UBE2Z: variants seen among roughly 807,000 people sequenced by gnomAD.
UBE2Z encodes the protein ubiquitin-conjugating enzyme E2 Z.
Under a neutral mutation model 32.6 loss-of-function variants are expected in UBE2Z, and 10 were observed. That is an observed-to-expected ratio of 0.31 (90% CI 0.19 to 0.52). The LOEUF (loss-of-function observed/expected upper bound fraction) is 0.52. Ranked by LOEUF, UBE2Z falls within the 20% of genes least tolerant of loss-of-function variation. The pLI, the probability that UBE2Z is intolerant of heterozygous loss-of-function variation, is 0.97. For synonymous variants in UBE2Z, 183 were observed against 190.8 expected (o/e 0.96, Z 0.34); for missense variants, 343 against 480.9 (o/e 0.71, Z 2.68).
chr17:48,920,223 G>C (rs973941974), intron 4 of UBE2Z, among the ~76,000 whole-genome samples: 1 of 152,018 alleles, frequency 6.6e-6, no homozygotes, highest in Non-Finnish European at 1.5e-5. Context: ...AGCCGGGTGC[G>C]GTGGCTCATG....
chr17:48,913,081 C>T lies in UBE2Z; in HGVS notation c.578+60C>T. ...TTAGCAGATAATTACTCTAGGTCAG[C>T]CTTTATCAACCGGAGTCCCTCATCT... On this transcript the variant is annotated intron_variant, in intron 3 of 6. Transcript: ENST00000360943. 1.3e-6 allele frequency: 2 copies of T among 1,526,456 alleles called. 1 individual carries two copies. The highest frequency in any genetic ancestry group is 2.3e-5 in the South Asian group (2 of 85,744). The allele number at this position is 1,526,456 out of a possible 1,614,324, so 94.6% of individuals were successfully genotyped here.
In UBE2Z at chr17:48,927,160, C is replaced by G. The variant is rs1046088854; in HGVS notation, c.*26C>G. ...ACCCTGCTCCCATCTCCCCTTCCCCCACTCAAGAGTCCCAGCAGAATCCCT... is the reference window on the plus strand; with the variant it reads ...ACCCTGCTCCCATCTCCCCTTCCCCGACTCAAGAGTCCCAGCAGAATCCCT... On this transcript the variant is annotated 3_prime_UTR_variant, in exon 7 of 7. Coordinates refer to ENST00000360943, the MANE Select transcript of UBE2Z (RefSeq NM_023079.5). 5.6e-6 allele frequency: 9 copies of G among 1,611,220 alleles called. No homozygotes were observed. Among genetic ancestry groups the G allele is most frequent in the South Asian group, 5.5e-5 (5 of 90,758 alleles).
At chr17:48,921,926 G>C (rs1435486575) in intron 5 of UBE2Z, among the ~76,000 whole-genome samples, 2 of 152,164 alleles carry the variant, frequency 1.3e-5, no homozygotes, top group Non-Finnish European at 2.9e-5. Context: ...CAGTCAGGAG[G>C]CTGAGGTGGG....
At chr17:48,926,525 G>C (rs1358735648) in intron 6 of UBE2Z, among the ~76,000 whole-genome samples, 1 of 150,808 alleles carries the variant, frequency 6.6e-6, no homozygotes, top group Non-Finnish European at 1.5e-5. Context: ...GCCCAGGCTG[G>C]AGTGTAATGG....
chr17:48,909,979 C>T (rs991270532), intron 1 of UBE2Z, among the ~76,000 whole-genome samples: 1 of 152,216 alleles, frequency 6.6e-6, no homozygotes, highest in African/African-American at 2.4e-5. Context: ...CTCTTTTCCT[C>T]CTCCAGCCAT....
intron 4 of UBE2Z, among the ~76,000 whole-genome samples, 178 bp from the exon 5 acceptor site, chr17:48,920,982 G>A (rs2143771469): frequency 6.6e-6 from 1 of 152,226 alleles, no homozygotes; most frequent in Admixed American, 6.5e-5. Flanking sequence ...GGTGGTGGAG[G>A]TGAATGGTGT....
In UBE2Z at chr17:48,908,908, C is replaced by T. The variant is rs541264683; in HGVS notation, c.317+88C>T. On this transcript the variant is annotated intron_variant, in intron 1 of 6. Transcript: ENST00000360943. Reference sequence around the variant, plus strand: ...CCCTCTCCCACTACAACTCACCCCCCACCCACTGCGCTGCCCTCGCGGCGG... The same window carrying T: ...CCCTCTCCCACTACAACTCACCCCCTACCCACTGCGCTGCCCTCGCGGCGG... The T allele has an allele frequency of 3.2e-5, 33 of 1,042,594 alleles. No homozygotes were observed. The African/African-American group carries it at 5.6e-4, about 18-fold the overall frequency. The allele number at this position is 1,042,594 out of a possible 1,614,324, so 64.6% of individuals were successfully genotyped here. A position where few individuals can be genotyped will look rare whatever the true frequency, so the allele number is the denominator to read the frequency against.
At chr17:48,922,736 C>A in intron 5 of UBE2Z, 111 bp from the exon 6 acceptor site, 2 of 730,136 alleles carry the variant, frequency 2.7e-6, no homozygotes, top group Admixed American at 2.8e-5. Flanking sequence ...CACTGCACTC[C>A]AACATGGGCT....
intron 6 of UBE2Z, among the ~76,000 whole-genome samples, chr17:48,923,320 CAAAAAAA>C (rs56100763): frequency 3.6e-4 from 37 of 102,084 alleles, no homozygotes; most frequent in African/African-American, 1.7e-3. Context: ...GACTCTGTCT[CAAAAAAA>C]AAAAAAAAAA....
At chr17:48,910,718 A>T in intron 1 of UBE2Z, 90 bp from the exon 2 acceptor site, 1 of 975,930 alleles carries the variant, frequency 1.0e-6, no homozygotes, top group Non-Finnish European at 1.7e-6. Flanking sequence ...CCCTGGCCTC[A>T]TTGAGGTGAT....
exon 7 of UBE2Z, chr17:48,929,052 CAGA>C (rs1442981257): frequency 6.6e-6 from 1 of 152,190 alleles, no homozygotes; most frequent in Non-Finnish European, 1.5e-5. Flanking sequence ...TTTGTTTTGG[CAGA>C]AGGAGGAAGT....
At chr17:48,923,205 C>CATCT in intron 6 of UBE2Z, 1 of 245,468 alleles carries the variant, frequency 4.1e-6, no homozygotes, top group Non-Finnish European at 8.1e-6. Context: ...CCTGTAGTCC[C>CATCT]ATCTACTCAG....
At chr17:48,922,506 C>T (rs373020835) in intron 5 of UBE2Z, among the ~76,000 whole-genome samples, 1 of 152,028 alleles carries the variant, frequency 6.6e-6, no homozygotes, top group South Asian at 2.1e-4. Context: ...TGGTGGCTTG[C>T]GCCTGTAGTC....
intron 2 of UBE2Z, chr17:48,911,394 ATACC>A (rs2143757899): frequency 6.4e-6 from 1 of 157,054 alleles, no homozygotes; most frequent in South Asian, 1.9e-4. Context: ...CCCAAAGACT[ATACC>A]TCTCTTGTCC....
chr17:48,920,875 A>G (rs1274316010), intron 4 of UBE2Z, among the ~76,000 whole-genome samples: 1 of 151,474 alleles, frequency 6.6e-6, no homozygotes, highest in Admixed American at 6.6e-5. Context: ...CATAATCTTT[A>G]CTTGATAGAC....
In UBE2Z at chr17:48,910,710, C is replaced by G. The variant is rs887585829; in HGVS notation, c.318-98C>G. ...GTACCAAGCACCACTTTCTCAAACCCTGGCCTCATTGAGGTGATAACAACT... is the reference window on the plus strand; with the variant it reads ...GTACCAAGCACCACTTTCTCAAACCGTGGCCTCATTGAGGTGATAACAACT... On this transcript the variant is annotated intron_variant, in intron 1 of 6. Transcript: ENST00000360943. The G allele has an allele frequency of 5.4e-4, 489 of 910,102 alleles. 2 individuals carry two copies. Among genetic ancestry groups the G allele is most frequent in the Non-Finnish European group, 6.9e-4 (374 of 543,668 alleles). The allele number at this position is 910,102 out of a possible 1,614,324, so 56.4% of individuals were successfully genotyped here.
chr17:48,913,132 G>A, intron 3 of UBE2Z, 111 bp downstream of exon 3: 1 of 1,075,488 alleles, frequency 9.3e-7, no homozygotes, highest in Non-Finnish European at 1.3e-6. Flanking sequence ...GAAAATGATT[G>A]AGTGACTCTT....
chr17:48,925,925 G>T (rs1382487599), intron 6 of UBE2Z, among the ~76,000 whole-genome samples: 3 of 152,226 alleles, frequency 2.0e-5, no homozygotes, highest in Non-Finnish European at 4.4e-5. Flanking sequence ...CAATGTGAGA[G>T]GGAAAGTTGT....
chr17:48,909,452 TC>T (rs2040659304), intron 1 of UBE2Z, among the ~76,000 whole-genome samples: 1 of 151,664 alleles, frequency 6.6e-6, no homozygotes, highest in Non-Finnish European at 1.5e-5. Context: ...TTACGCCTCT[TC>T]CAGAAACACA....
Sources: allele counts gnomAD v4.1 joint callset (sites outside exome capture counted in the v4.1 genomes callset), GRCh38; gene constraint gnomAD v4.1.1; transcripts MANE v1.5; gene names NCBI Gene and HGNC (gene_info 2026-07-23, HGNC 2026-07-21).